IMPG1: variants seen among roughly 807,000 people sequenced by gnomAD.
IMPG1 encodes the protein interphotoreceptor matrix proteoglycan 1, also known as interphotoreceptor matrix proteoglycan of 150 kDa.
Under a neutral mutation model 92.0 loss-of-function variants are expected in IMPG1, and 85 were observed. The observed-to-expected ratio is 0.92, with a 90% CI of 0.78 to 1.11. IMPG1 has a LOEUF of 1.11. Among genes scored for constraint, IMPG1 ranks in the 50% least tolerant of loss-of-function variants. The probability of loss-of-function intolerance (pLI) is 0.00; values close to 1 mark genes in which losing one functional copy is unlikely to be tolerated. For missense variants in IMPG1, 1,022 were observed against 956.0 expected (o/e 1.07, Z -0.91); for synonymous variants, 367 against 334.1 (o/e 1.10, Z -1.08).
intron 12 of IMPG1, among the ~76,000 whole-genome samples, chr6:75,986,118 G>T (rs940904723): frequency 2.0e-5 from 3 of 151,674 alleles, no homozygotes; most frequent in Middle Eastern, 6.8e-3. Flanking sequence ...TGTACCATGG[G>T]TTTTTTTTGG....
At position 75,950,701 on chromosome 6, in the gene IMPG1, C is replaced by T. The variant is rs746466812; in HGVS notation, c.1685G>A (p.Ser562Asn). 6.8e-6 allele frequency: 11 copies of T among 1,613,956 alleles called. 1 individual carries two copies. In the South Asian group the frequency reaches 1.2e-4, roughly 18 times the overall value. ...GCCCTTGGGGGCAATGGTCATAGAA[C>T]TAGTGGTGATATACTGTAAAGCTGA... ...PVSALQYITT[S>N]SMTIAPKGRE... The change falls in exon 13 of 17, where the codon AGT becomes AAT. Residue 562 changes from serine to asparagine, a missense_variant. By Grantham distance (46) the Ser-to-Asn change is conservative. Transcript: ENST00000369950.
intron 12 of IMPG1, among the ~76,000 whole-genome samples, chr6:75,962,911 C>T (rs1192521739): frequency 1.3e-5 from 2 of 151,894 alleles, no homozygotes; most frequent in South Asian, 2.1e-4. Flanking sequence ...TGTGGTGGCA[C>T]GTGCCTGTAG....
At chr6:76,068,990 C>T (rs1489140869) in intron 1 of IMPG1, among the ~76,000 whole-genome samples, 1 of 151,970 alleles carries the variant, frequency 6.6e-6, no homozygotes, top group Non-Finnish European at 1.5e-5. Context: ...TTATATTATA[C>T]TACAAGGCTA....
chr6:76,070,333 G>A lies in IMPG1; in HGVS notation c.67+2089C>T, dbSNP rs1001969376. Among the ~76,000 whole-genome samples, 6 of 152,246 alleles carry A rather than the reference G, an allele frequency of 3.9e-5. No homozygotes were observed. In the South Asian group the frequency reaches 8.3e-4, roughly 21 times the overall value. On this transcript the variant is annotated intron_variant, in intron 1 of 16. Transcript: ENST00000369950. The stretch of plus-strand genomic sequence containing the variant: ...TTTCAAAAGTCAGAAAATAACAGAT[G>A]TGGAGAACAGTAAATGCTTATGCAC...
rs1372900633 is a variant in IMPG1 at position 75,974,388 on chromosome 6, T to C, written c.1292-23294A>G. On this transcript the variant is annotated intron_variant, in intron 12 of 16. Coordinates refer to ENST00000369950, the MANE Select transcript of IMPG1 (RefSeq NM_001563.4). Reference sequence around the variant, plus strand: ...CTTTCTTTCTTTCTTTCTTTCTTTCTTTCTTTTCTTTCTTTCCTTCCTTCC... The same window carrying C: ...CTTTCTTTCTTTCTTTCTTTCTTTCCTTCTTTTCTTTCTTTCCTTCCTTCC... 7.1e-3 allele frequency among the ~76,000 whole-genome samples: 418 copies of C among 58,998 alleles called. 8 individuals carry two copies. The highest frequency in any genetic ancestry group is 0.014 in the East Asian group (18 of 1,320). The allele number at this position is 58,998 out of a possible 152,430, so 38.7% of individuals were successfully genotyped here.
At position 75,930,965 on chromosome 6, in the gene IMPG1, C is replaced by G. The variant is rs769588781; in HGVS notation, c.2231G>C (p.Gly744Ala). 6.2e-7 allele frequency: 1 copy of G among 1,614,204 alleles called. No individual in the cohort carries two copies. Among genetic ancestry groups the G allele is most frequent in the South Asian group, 1.1e-5 (1 of 91,086 alleles). Residue 744 changes from glycine (G) to alanine (A), a missense_variant, in exon 15 of 17, where the codon GGA (glycine) becomes GCA (alanine). Physicochemically the swap from Gly to Ala is moderately conservative, Grantham distance 60. Coordinates refer to ENST00000369950, the MANE Select transcript of IMPG1 (RefSeq NM_001563.4). Reference protein sequence around the residue: ...TKECEVLQGKGAPCRLPDHSE... With the variant: ...TKECEVLQGKAAPCRLPDHSE... Reference sequence around the variant, plus strand: ...ATGCTTGACCCACCTGCATGGAGCTCCCTTTCCCTGGAGGACCTCGCATTC... The same window carrying G: ...ATGCTTGACCCACCTGCATGGAGCTGCCTTTCCCTGGAGGACCTCGCATTC...
intron 16 of IMPG1, among the ~76,000 whole-genome samples, chr6:75,922,903 A>ATT (rs527901677): frequency 4.1e-4 from 61 of 148,826 alleles, no homozygotes; most frequent in African/African-American, 1.0e-3. Context: ...ACTTTGAGGC[A>ATT]TTTTTTTTTT....
chr6:76,066,370 A>T (rs1784310825), intron 1 of IMPG1, among the ~76,000 whole-genome samples: 1 of 152,128 alleles, frequency 6.6e-6, no homozygotes, highest in Non-Finnish European at 1.5e-5. Context: ...GGTAGAAAAA[A>T]AATTCTATGT....
At chr6:76,070,323 A>G (rs1427598397) in intron 1 of IMPG1, among the ~76,000 whole-genome samples, 1 of 152,164 alleles carries the variant, frequency 6.6e-6, no homozygotes, top group East Asian at 1.9e-4. Flanking sequence ...AAAGTCAGAA[A>G]ATAACAGATG....
intron 12 of IMPG1, among the ~76,000 whole-genome samples, chr6:75,965,934 T>A (rs2149463644): frequency 6.6e-6 from 1 of 152,288 alleles, no homozygotes; most frequent in Admixed American, 6.5e-5. Context: ...CAGATATATG[T>A]TTGCAAAGAT....
intron 12 of IMPG1, among the ~76,000 whole-genome samples, chr6:75,976,780 C>T (rs1782543941): frequency 6.6e-6 from 1 of 151,840 alleles, no homozygotes; most frequent in Non-Finnish European, 1.5e-5. Flanking sequence ...GGCGTGGTGG[C>T]AGGCACCTGC....
intron 1 of IMPG1, among the ~76,000 whole-genome samples, chr6:76,050,607 A>G (rs1784024357): frequency 6.6e-6 from 1 of 152,190 alleles, no homozygotes; most frequent in South Asian, 2.1e-4. Flanking sequence ...TCCTTGTCAT[A>G]TCACTGAAGA....
At chr6:75,999,184 G>C (rs1471025073) in intron 12 of IMPG1, among the ~76,000 whole-genome samples, 1 of 151,970 alleles carries the variant, frequency 6.6e-6, no homozygotes, top group African/African-American at 2.4e-5. Flanking sequence ...CAGATAACTG[G>C]CTCTACAAAA....
chr6:75,922,295 T>G (rs1344011540), intron 16 of IMPG1, 129 bp from the exon 17 acceptor site: 2 of 571,706 alleles, frequency 3.5e-6, no homozygotes, highest in Admixed American at 3.1e-5. Context: ...CTTTGAAATG[T>G]TGAAGATGGC....
intron 12 of IMPG1, among the ~76,000 whole-genome samples, chr6:75,997,680 T>C (rs1340581060): frequency 6.6e-6 from 1 of 152,204 alleles, no homozygotes; most frequent in Non-Finnish European, 1.5e-5. Flanking sequence ...GAGATGATAG[T>C]ACTGATAGGC....
At chr6:76,046,844 T>G (rs1783952617) in intron 1 of IMPG1, among the ~76,000 whole-genome samples, 1 of 152,208 alleles carries the variant, frequency 6.6e-6, no homozygotes. Flanking sequence ...CACTCTTCCT[T>G]TCCTTACCCC....
intron 13 of IMPG1, among the ~76,000 whole-genome samples, chr6:75,948,323 G>A (rs1228791528): frequency 6.6e-6 from 1 of 152,152 alleles, no homozygotes; most frequent in African/African-American, 2.4e-5. Context: ...TTTCAGAAAT[G>A]TTTGAAACTC....
chr6:76,014,819 C>A (rs2149480964), intron 7 of IMPG1, among the ~76,000 whole-genome samples: 1 of 152,256 alleles, frequency 6.6e-6, no homozygotes, highest in African/African-American at 2.4e-5. Flanking sequence ...ATGGCATTGG[C>A]TTGGGTGGAA....
At chr6:76,037,801 A>G (rs1783766735) in intron 2 of IMPG1, among the ~76,000 whole-genome samples, 1 of 152,254 alleles carries the variant, frequency 6.6e-6, no homozygotes, top group Non-Finnish European at 1.5e-5. Context: ...ACTTTCATGG[A>G]CAATATCTAA....
Sources: allele counts gnomAD v4.1 joint callset (sites outside exome capture counted in the v4.1 genomes callset), GRCh38; gene constraint gnomAD v4.1.1; transcripts MANE v1.5; gene names NCBI Gene and HGNC (gene_info 2026-07-23, HGNC 2026-07-21).